The following GLRA3 variants were observed in gnomAD, a reference collection of about 807,000 sequenced individuals.
The protein encoded by GLRA3 is glycine receptor alpha 3.
Under a neutral mutation model 60.4 loss-of-function variants are expected in GLRA3, and 44 were observed. The observed-to-expected ratio is 0.73, with a 90% CI of 0.57 to 0.94. The LOEUF is 0.94. GLRA3 is among the 40% of genes least tolerant of loss of function. The pLI, the probability that GLRA3 is intolerant of heterozygous loss-of-function variation, is 0.00. For missense variants in GLRA3, 508 were observed against 564.6 expected, an observed-to-expected ratio of 0.90 and a Z score of 1.02; for synonymous variants, 223 against 192.9, an observed-to-expected ratio of 1.16 and a Z score of -1.29.
At chr4:174,730,359 A>T (rs1039975528) in intron 3 of GLRA3, among the ~76,000 whole-genome samples, 1 of 152,190 alleles carries the variant, frequency 6.6e-6, no homozygotes, top group African/African-American at 2.4e-5. Flanking sequence ...TGACCAAATC[A>T]GTTTCTCTCT....
At chr4:174,803,962 A>G (rs1363025368) in intron 1 of GLRA3, among the ~76,000 whole-genome samples, 1 of 152,182 alleles carries the variant, frequency 6.6e-6, no homozygotes, top group African/African-American at 2.4e-5. Flanking sequence ...AGACTTGTCT[A>G]CTAGTTTTCC....
chr4:174,826,939 A>AT lies in GLRA3; in HGVS notation c.71+1801dup, dbSNP rs1481752219. The stretch of plus-strand genomic sequence containing the variant: ...TCATCACTAAAAGTGAAAATGCTTA[A>AT]TTTTTTACATATAATTAAAGTTCTT... On this transcript the variant is annotated intron_variant, in intron 1 of 9. Coordinates refer to ENST00000274093, the MANE Select transcript of GLRA3 (RefSeq NM_006529.4). Among the ~76,000 whole-genome samples, 20 of 149,904 alleles carry AT rather than the reference A, an allele frequency of 1.3e-4. 1 individual carries two copies. The South Asian group carries it at 2.1e-3, about 16-fold the overall frequency.
intron 3 of GLRA3, among the ~76,000 whole-genome samples, chr4:174,740,469 G>C (rs1484397830): frequency 1.3e-5 from 2 of 152,094 alleles, no homozygotes; most frequent in Non-Finnish European, 2.9e-5. Flanking sequence ...CATTTTGAAT[G>C]CTGATCCTCC....
chr4:174,780,191 G>C (rs1738807553), intron 2 of GLRA3, among the ~76,000 whole-genome samples: 7 of 143,726 alleles, frequency 4.9e-5, no homozygotes, highest in African/African-American at 1.8e-4. Context: ...TTTCAACCCA[G>C]AATTTCATAT....
chr4:174,820,254 A>G (rs1740688990), intron 1 of GLRA3, among the ~76,000 whole-genome samples: 1 of 152,214 alleles, frequency 6.6e-6, no homozygotes, highest in South Asian at 2.1e-4. Flanking sequence ...AAAGAAAAAT[A>G]AGCTGCACCA....
chr4:174,645,129 A>G (rs970251406), intron 9 of GLRA3, among the ~76,000 whole-genome samples: 12 of 152,076 alleles, frequency 7.9e-5, no homozygotes, highest in African/African-American at 2.9e-4. Flanking sequence ...CTTGAAAATT[A>G]TGGGCTGGGC....
chr4:174,786,107 T>C (rs1350614157), intron 2 of GLRA3, among the ~76,000 whole-genome samples: 2 of 152,036 alleles, frequency 1.3e-5, no homozygotes, highest in African/African-American at 4.8e-5. Flanking sequence ...TTTAAAATTT[T>C]AATATATATT....
rs928652522 is a variant in GLRA3 at position 174,797,300 on chromosome 4, G to C, written c.72-8357C>G. 2.7e-4 allele frequency among the ~76,000 whole-genome samples: 41 copies of C among 152,114 alleles called. 1 individual carries two copies. The highest frequency in any genetic ancestry group is 9.6e-4 in the African/African-American group (40 of 41,484). On this transcript the variant is annotated intron_variant, in intron 1 of 9. Transcript: ENST00000274093. The stretch of plus-strand genomic sequence containing the variant: ...GATTGTTAGCAAATTAGCTATGATC[G>C]GTACTTTGGAAGGAAGCAGCTTTGA...
chr4:174,794,196 A>G (rs1420429959), intron 1 of GLRA3, among the ~76,000 whole-genome samples: 1 of 152,208 alleles, frequency 6.6e-6, no homozygotes, highest in African/African-American at 2.4e-5. Flanking sequence ...TCACTTATCC[A>G]TTGAAACCCA....
intron 2 of GLRA3, among the ~76,000 whole-genome samples, chr4:174,772,014 T>C (rs889132608): frequency 6.6e-6 from 1 of 152,194 alleles, no homozygotes; most frequent in Non-Finnish European, 1.5e-5. Context: ...ATTAAGGTTC[T>C]GAAAGGAGCA....
At chr4:174,752,721 C>G (rs550786676) in intron 3 of GLRA3, among the ~76,000 whole-genome samples, 1 of 152,100 alleles carries the variant, frequency 6.6e-6, no homozygotes, top group South Asian at 2.1e-4. Context: ...ATGGGTTTTG[C>G]GGGTGAAGGT....
intron 3 of GLRA3, among the ~76,000 whole-genome samples, chr4:174,755,964 T>G (rs1737677756): frequency 6.6e-6 from 1 of 152,074 alleles, no homozygotes; most frequent in Non-Finnish European, 1.5e-5. Context: ...TACAAAGACT[T>G]CTCATCTTGC....
intron 1 of GLRA3, among the ~76,000 whole-genome samples, chr4:174,810,827 C>A (rs1316130607): frequency 3.3e-5 from 5 of 152,124 alleles, no homozygotes; most frequent in Admixed American, 3.3e-4. Flanking sequence ...CCTGTAGCAG[C>A]ATTTCAGGGA....
intron 1 of GLRA3, among the ~76,000 whole-genome samples, chr4:174,796,219 A>T (rs1739558990): frequency 6.6e-6 from 1 of 152,276 alleles, no homozygotes; most frequent in African/African-American, 2.4e-5. Flanking sequence ...GTGAAAAGAG[A>T]GTGGTCAATG....
At chr4:174,758,527 T>C (rs926717039) in intron 3 of GLRA3, among the ~76,000 whole-genome samples, 12 of 152,280 alleles carry the variant, frequency 7.9e-5, no homozygotes, top group Admixed American at 5.9e-4. Context: ...TAGAGGATCC[T>C]GTGGAAACAT....
intron 3 of GLRA3, among the ~76,000 whole-genome samples, chr4:174,746,094 G>A (rs79591837): frequency 0.16 from 24,050 of 152,018 alleles, 2,489 homozygotes; most frequent in African/African-American, 0.3. Context: ...AGATTTCTCA[G>A]AAAACTAAAA....
chr4:174,724,835 T>C (rs760714912), intron 4 of GLRA3, among the ~76,000 whole-genome samples: 12 of 152,316 alleles, frequency 7.9e-5, no homozygotes, highest in Middle Eastern at 3.4e-3. Context: ...CCTAAAAAAA[T>C]ATTTGTAGCT....
At chr4:174,734,024 T>G (rs112229155) in intron 3 of GLRA3, among the ~76,000 whole-genome samples, 82 of 152,280 alleles carry the variant, frequency 5.4e-4, no homozygotes, top group African/African-American at 1.9e-3. Context: ...ACTTTCTTTT[T>G]TTTTTGGCCG....
intron 7 of GLRA3, among the ~76,000 whole-genome samples, chr4:174,674,055 T>C (rs946374571): frequency 6.6e-6 from 1 of 152,178 alleles, no homozygotes; most frequent in Non-Finnish European, 1.5e-5. Flanking sequence ...TCTTGCCAGA[T>C]CATCATCTGC....
Sources: gnomAD v4.1 joint callset for allele counts (sites outside exome capture counted in the v4.1 genomes callset) on GRCh38, gnomAD v4.1.1 for gene constraint, MANE v1.5 for transcripts, NCBI Gene and HGNC (gene_info 2026-07-23, HGNC 2026-07-21) for gene names.